The following GAD2 variants were observed in gnomAD, a reference collection of about 807,000 sequenced individuals.
GAD2 encodes 65 kDa glutamic acid decarboxylase.
A neutral mutation model predicts 80.1 loss-of-function variants in GAD2; 22 were observed. The observed-to-expected ratio is 0.27, with a 90% CI of 0.20 to 0.39. GAD2 has a LOEUF of 0.39. GAD2 is among the 10% of genes least tolerant of loss of function. GAD2 has a pLI of 1.00. For synonymous variants in GAD2, 274 were observed against 256.9 expected, an observed-to-expected ratio of 1.07 and a Z score of -0.64; for missense variants, 624 against 738.4, an observed-to-expected ratio of 0.85 and a Z score of 1.80.
At chr10:26,219,332 T>A (rs1844425142) in intron 4 of GAD2, 56 bp downstream of exon 4, 1 of 1,155,960 alleles carries the variant, frequency 8.7e-7, no homozygotes, top group Non-Finnish European at 1.2e-6. Flanking sequence ...TTTTATTTTA[T>A]TTTTTTCTAT....
chr10:26,218,549 T>TCACACACACA (rs1373210337), intron 3 of GAD2, among the ~76,000 whole-genome samples: 64 of 57,378 alleles, frequency 1.1e-3, no homozygotes, highest in Middle Eastern at 0.011. Context: ...TCTCTCTCTC[T>TCACACACACA]CTCACACACA....
At position 26,217,804 on chromosome 10, in the gene GAD2, G is replaced by A. The variant is rs1394819047; in HGVS notation, c.137-38G>A. On this transcript the variant is annotated intron_variant, in intron 2 of 15. Transcript: ENST00000376261. This position sits in a 1 kb window ranked among gnomAD's most constrained non-coding sequence, Gnocchi z 4.9. ...GGGAGCGAGGGAGCCGGGCCCGGCG[G>A]AGGATTGACGAGGCCCGCGTTCGGT... 1 of 1,583,358 alleles carries A rather than the reference G, an allele frequency of 6.3e-7. No individual in the cohort carries two copies. The highest frequency in any genetic ancestry group is 1.1e-5 in the South Asian group (1 of 88,368).
intron 7 of GAD2, among the ~76,000 whole-genome samples, chr10:26,236,538 T>G (rs1313546438): frequency 6.6e-6 from 1 of 152,120 alleles, no homozygotes; most frequent in Non-Finnish European, 1.5e-5. Flanking sequence ...TGACCTCAGG[T>G]GACCTGCCTG....
At chr10:26,243,497 A>T (rs1844768427) in intron 7 of GAD2, among the ~76,000 whole-genome samples, 1 of 152,208 alleles carries the variant, frequency 6.6e-6, no homozygotes, top group African/African-American at 2.4e-5. Context: ...GTTAATAGTA[A>T]GAGGCTGATG....
intron 12 of GAD2, among the ~76,000 whole-genome samples, chr10:26,281,796 G>A (rs1589152036): frequency 6.6e-6 from 1 of 152,122 alleles, no homozygotes; most frequent in Non-Finnish European, 1.5e-5. Flanking sequence ...CGTGACGCCA[G>A]GCCGGACTCA....
intron 10 of GAD2, among the ~76,000 whole-genome samples, chr10:26,271,655 T>C (rs1282476955): frequency 6.6e-6 from 1 of 152,216 alleles, no homozygotes; most frequent in Non-Finnish European, 1.5e-5. Flanking sequence ...AAGATCCTTA[T>C]GTTGTCATGG....
chr10:26,218,258 A>G, intron 3 of GAD2: 1 of 380,496 alleles, frequency 2.6e-6, no homozygotes, highest in Non-Finnish European at 4.6e-6. Context: ...CGGGTGGCCG[A>G]CGATCCAGGC....
At chr10:26,292,811 G>T in intron 14 of GAD2, 91 bp from the exon 15 acceptor site, 1 of 1,100,406 alleles carries the variant, frequency 9.1e-7, no homozygotes, top group South Asian at 1.3e-5. Context: ...ATTGTGTTCT[G>T]AACCTGCTGA....
chr10:26,224,753 G>C, intron 6 of GAD2, 102 bp downstream of exon 6: 2 of 779,630 alleles, frequency 2.6e-6, no homozygotes. Flanking sequence ...CTCTGCTTAG[G>C]TTAAATAGAC....
intron 8 of GAD2, among the ~76,000 whole-genome samples, chr10:26,255,430 C>T (rs2132294850): frequency 6.6e-6 from 1 of 152,124 alleles, no homozygotes; most frequent in African/African-American, 2.4e-5. Flanking sequence ...AGAACTAATA[C>T]AGGCAAGGTC....
intron 8 of GAD2, among the ~76,000 whole-genome samples, chr10:26,263,561 T>C (rs1381507036): frequency 6.6e-6 from 1 of 152,228 alleles, no homozygotes; most frequent in Non-Finnish European, 1.5e-5. Flanking sequence ...CAACAATTTT[T>C]TCCCCAAGTC....
chr10:26,221,691 C>G (rs1401712126), intron 4 of GAD2, among the ~76,000 whole-genome samples: 2 of 152,232 alleles, frequency 1.3e-5, no homozygotes, highest in Non-Finnish European at 1.5e-5. Flanking sequence ...TTCGCAGAGT[C>G]TGCGCATCCT....
chr10:26,246,327 G>T (rs1477143692), intron 8 of GAD2, among the ~76,000 whole-genome samples: 2 of 152,208 alleles, frequency 1.3e-5, no homozygotes, highest in East Asian at 3.8e-4. Context: ...ATTTATGGAG[G>T]TGTCATCACT....
rs189117025 is a variant in GAD2, at chr10:26,239,770, G to A, written c.841-6151G>A. 5.9e-5 allele frequency among the ~76,000 whole-genome samples: 9 copies of A among 152,318 alleles called. No homozygotes were observed. In the East Asian group the frequency reaches 1.5e-3, roughly 26 times the overall value. On this transcript the variant is annotated intron_variant, in intron 7 of 15. Transcript: ENST00000376261. ...TTGAATGAGGGAGGGAACCATGTAAGTATTTGAAGGAAGGTTTTCCAGGAA... is the reference window on the plus strand; with the variant it reads ...TTGAATGAGGGAGGGAACCATGTAAATATTTGAAGGAAGGTTTTCCAGGAA...
rs769923553 is a variant in GAD2, at chr10:26,303,922, T to G, written c.*2961T>G. ...AATATATTATTGATATGTCTTTTTC[T>G]GTGTGGTAGCTGTATTGAACTTTGA... On this transcript the variant is annotated 3_prime_UTR_variant, in exon 16 of 16. Coordinates refer to ENST00000376261, the MANE Select transcript of GAD2 (RefSeq NM_001134366.2). 1 of 152,264 alleles carries G rather than the reference T, an allele frequency of 6.6e-6. No homozygotes were observed. The highest frequency in any genetic ancestry group is 1.5e-5 in the Non-Finnish European group (1 of 68,056). 9.4% of individuals were successfully genotyped at this position (152,264 alleles called of 1,614,324 possible).
chr10:26,260,229 A>G (rs1258274981), intron 8 of GAD2, among the ~76,000 whole-genome samples: 1 of 152,244 alleles, frequency 6.6e-6, no homozygotes, highest in African/African-American at 2.4e-5. Flanking sequence ...ATTACTTAAC[A>G]AATCTGTTGT....
intron 10 of GAD2, among the ~76,000 whole-genome samples, chr10:26,271,782 CAG>C (rs2132305811): frequency 6.6e-6 from 1 of 151,674 alleles, no homozygotes; most frequent in South Asian, 2.1e-4. Context: ...CTTTTTGAGA[CAG>C]AGTCTTGCTC....
chr10:26,236,970 T>C (rs963063224), intron 7 of GAD2, among the ~76,000 whole-genome samples: 5 of 152,204 alleles, frequency 3.3e-5, no homozygotes, highest in African/African-American at 1.2e-4. Flanking sequence ...CCCCATTGCC[T>C]CTCCTGGGGA....
chr10:26,237,439 T>C (rs1844688039), intron 7 of GAD2, among the ~76,000 whole-genome samples: 1 of 151,628 alleles, frequency 6.6e-6, no homozygotes, highest in African/African-American at 2.4e-5. Flanking sequence ...TGAAGCAAGA[T>C]GATACATGGG....
Sources: gnomAD v4.1 joint callset for allele counts (sites outside exome capture counted in the v4.1 genomes callset) on GRCh38, gnomAD v4.1.1 for gene constraint, Gnocchi (gnomAD v3.1) non-coding constraint, MANE v1.5 for transcripts, NCBI Gene and HGNC (gene_info 2026-07-23, HGNC 2026-07-21) for gene names.